The following FNIP2 variants were observed in gnomAD, a reference collection of about 807,000 sequenced individuals.
FNIP2 encodes folliculin interacting protein 2.
In FNIP2, 32 loss-of-function variants were observed where a neutral mutation model predicts 108.7. The ratio of observed to expected loss-of-function variants is 0.29; its 90% CI spans 0.22 to 0.40. The LOEUF is 0.40. Ranked by LOEUF, FNIP2 falls within the 10% of genes least tolerant of loss-of-function variation. The probability of loss-of-function intolerance (pLI) is 1.00; values close to 1 mark genes in which losing one functional copy is unlikely to be tolerated. For missense variants in FNIP2, 1,202 were observed against 1,381.6 expected, an observed-to-expected ratio of 0.87 and a Z score of 2.06; for synonymous variants, 480 against 496.7, an observed-to-expected ratio of 0.97 and a Z score of 0.45.
At chr4:158,837,988 A>G (rs950395032) in intron 7 of FNIP2, among the ~76,000 whole-genome samples, 1 of 152,180 alleles carries the variant, frequency 6.6e-6, no homozygotes, top group African/African-American at 2.4e-5. Context: ...CCACGTCAAG[A>G]CTAGTGTGAG....
chr4:158,875,810 A>G (rs1781249192), intron 14 of FNIP2, among the ~76,000 whole-genome samples: 1 of 152,088 alleles, frequency 6.6e-6, no homozygotes, highest in Non-Finnish European at 1.5e-5. Context: ...ACTGTCTTCT[A>G]TAGCCACAGC....
chr4:158,832,102 C>T lies in FNIP2; in HGVS notation c.518C>T (p.Ser173Phe), dbSNP rs1277466140. The change falls in exon 5 of 17, where the codon TCT becomes TTT. Residue 173 changes from serine (S) to phenylalanine (F), a missense_variant. Coordinates refer to ENST00000264433, the MANE Select transcript of FNIP2 (RefSeq NM_020840.3). ...CAACTGATGATTAGTAAAGTCTTCT[C>T]TGCTAGAATGGGCAGCTTCTGTGGA... is the stretch of plus-strand genomic sequence containing the variant. ...PPQLMISKVFSARMGSFCGST... is the reference protein window; with the variant it reads ...PPQLMISKVFFARMGSFCGST... 6.2e-7 allele frequency: 1 copy of T among 1,613,734 alleles called. No individual in the cohort carries two copies. The highest frequency in any genetic ancestry group is 1.3e-5 in the African/African-American group (1 of 74,906).
intron 14 of FNIP2, among the ~76,000 whole-genome samples, chr4:158,882,189 C>T (rs1343367046): frequency 2.0e-5 from 3 of 150,988 alleles, no homozygotes; most frequent in African/African-American, 7.3e-5. Context: ...CTCCGCCCAG[C>T]AGCCGCCCCG....
rs577391019 is a variant in FNIP2, at chr4:158,770,780, G to C, written c.107+1461G>C. Among the ~76,000 whole-genome samples, 3 of 152,256 alleles carry C rather than the reference G, an allele frequency of 2.0e-5. No homozygotes were observed. In the East Asian group the frequency reaches 5.8e-4, roughly 29 times the overall value. ...TCGTCCCTTCCCTCCCTGTAACCCA[G>C]ACTCCATCAGGGGTACAAAGCCTGG... is the stretch of plus-strand genomic sequence containing the variant. On this transcript the variant is annotated intron_variant, in intron 1 of 16. Transcript: ENST00000264433.
intron 1 of FNIP2, among the ~76,000 whole-genome samples, chr4:158,819,890 T>G (rs1324907266): frequency 6.6e-6 from 1 of 152,144 alleles, no homozygotes; most frequent in Non-Finnish European, 1.5e-5. Flanking sequence ...TTTGAGAGAA[T>G]AAGGAAACGG....
At chr4:158,898,212 C>A (rs1374916109) in intron 16 of FNIP2, among the ~76,000 whole-genome samples, 1 of 152,136 alleles carries the variant, frequency 6.6e-6, no homozygotes, top group South Asian at 2.1e-4. Flanking sequence ...TGTTTTGGTA[C>A]CAATACCGTG....
At chr4:158,840,083 T>C (rs556499816) in intron 7 of FNIP2, among the ~76,000 whole-genome samples, 1 of 152,322 alleles carries the variant, frequency 6.6e-6, no homozygotes, top group South Asian at 2.1e-4. Context: ...TCAGCCATAC[T>C]AGGAGGTTGC....
chr4:158,794,162 G>A (rs1381505132), intron 1 of FNIP2, among the ~76,000 whole-genome samples: 1 of 152,090 alleles, frequency 6.6e-6, no homozygotes, highest in Non-Finnish European at 1.5e-5. Flanking sequence ...CATTTCACTT[G>A]TTTTTTGTTT....
At chr4:158,891,700 C>T (rs759045347) in intron 15 of FNIP2, 54 bp downstream of exon 15, 228 of 1,453,266 alleles carry the variant, frequency 1.6e-4, no homozygotes, top group African/African-American at 4.4e-4. Context: ...ATGCTTTTAA[C>T]GACATTTTGA....
chr4:158,769,162 C>T lies in FNIP2; in HGVS notation c.-51C>T. On this transcript the variant is annotated 5_prime_UTR_variant, in exon 1 of 17. Transcript: ENST00000264433. Reference sequence around the variant, plus strand: ...CGCGGCCGCCGCCCCCGGCTGCGCGCTGAGCCGCCGGCCCCCCGAGCGCCA... The same window carrying T: ...CGCGGCCGCCGCCCCCGGCTGCGCGTTGAGCCGCCGGCCCCCCGAGCGCCA... 4.0e-6 allele frequency: 4 copies of T among 1,009,840 alleles called. No homozygotes were observed. The South Asian group carries it at 1.0e-4, about 26-fold the overall frequency. The allele number at this position is 1,009,840 out of a possible 1,614,324, so 62.6% of individuals were successfully genotyped here. A position where few individuals can be genotyped will look rare whatever the true frequency, so the allele number is the denominator to read the frequency against.
At chr4:158,826,409 T>C (rs1778159287) in intron 2 of FNIP2, among the ~76,000 whole-genome samples, 1 of 152,130 alleles carries the variant, frequency 6.6e-6, no homozygotes, top group Non-Finnish European at 1.5e-5. Flanking sequence ...AGTGATAAAG[T>C]GTTAGTGTGA....
chr4:158,859,375 C>A, intron 9 of FNIP2, 117 bp downstream of exon 9: 1 of 1,207,192 alleles, frequency 8.3e-7, no homozygotes, highest in Non-Finnish European at 1.1e-6. Context: ...TCACCTGTAG[C>A]AGTGATAAAT....
chr4:158,830,075 G>T (rs1778382284), intron 3 of FNIP2, among the ~76,000 whole-genome samples: 1 of 152,084 alleles, frequency 6.6e-6, no homozygotes, highest in Non-Finnish European at 1.5e-5. Flanking sequence ...CAGTTGGCAT[G>T]TGGCCCTTGT....
At chr4:158,854,744 A>T (rs1248538655) in intron 8 of FNIP2, among the ~76,000 whole-genome samples, 3 of 152,198 alleles carry the variant, frequency 2.0e-5, no homozygotes, top group Non-Finnish European at 4.4e-5. Context: ...AAGAAATATG[A>T]TCTAATGGTA....
chr4:158,858,816 G>A lies in FNIP2; in HGVS notation c.858-241G>A, dbSNP rs544842984. ...AAAGGAAAAGGACAAGAGTAACAAC[G>A]GGAAATTTAAATTACTTGTAGCTTT... On this transcript the variant is annotated intron_variant, in intron 8 of 16. Transcript: ENST00000264433. Among the ~76,000 whole-genome samples the A allele has an allele frequency of 6.6e-5, 10 of 152,236 alleles. No homozygotes were observed. The South Asian group carries it at 2.1e-3, about 32-fold the overall frequency.
intron 16 of FNIP2, among the ~76,000 whole-genome samples, chr4:158,902,062 G>C (rs984365756): frequency 2.0e-5 from 3 of 151,952 alleles, no homozygotes; most frequent in Non-Finnish European, 4.4e-5. Flanking sequence ...TTGGAGGAGA[G>C]AGCATTCTGG....
chr4:158,892,112 A>G (rs1221887169), intron 15 of FNIP2, among the ~76,000 whole-genome samples: 1 of 150,114 alleles, frequency 6.7e-6, no homozygotes, highest in African/African-American at 2.5e-5. Flanking sequence ...TTAAAGTACT[A>G]TACACATGTA....
At chr4:158,820,574 C>T (rs1777828660) in intron 1 of FNIP2, among the ~76,000 whole-genome samples, 1 of 152,204 alleles carries the variant, frequency 6.6e-6, no homozygotes, top group African/African-American at 2.4e-5. Context: ...GGAATTGGCA[C>T]ACCACAGCTT....
intron 7 of FNIP2, 81 bp downstream of exon 7, chr4:158,835,557 G>GATGAGGGTTATCTACCTGTCT: frequency 8.0e-7 from 1 of 1,255,102 alleles, no homozygotes; most frequent in South Asian, 1.2e-5. Context: ...TAGAAGACAG[G>GATGAGGGTTATCTACCTGTCT]TAGATAACCC....
Sources: allele counts gnomAD v4.1 joint callset (sites outside exome capture counted in the v4.1 genomes callset), GRCh38; gene constraint gnomAD v4.1.1; transcripts MANE v1.5; gene names NCBI Gene and HGNC (gene_info 2026-07-23, HGNC 2026-07-21).